Variants in LRRC4C observed in about 807,000 individuals in gnomAD.
The protein encoded by LRRC4C is leucine-rich repeat-containing protein 4C.
Under a neutral mutation model 33.6 loss-of-function variants are expected in LRRC4C, and 5 were observed. That is an observed-to-expected ratio of 0.15 (90% confidence interval 0.08 to 0.31). The LOEUF (loss-of-function observed/expected upper bound fraction) is 0.31. Among genes scored for constraint, LRRC4C ranks in the 10% least tolerant of loss-of-function variants. The pLI is 1.00. For synonymous variants in LRRC4C, 329 were observed against 302.0 expected, an observed-to-expected ratio of 1.09 and a Z score of -0.93; for missense variants, 560 against 796.7, an observed-to-expected ratio of 0.70 and a Z score of 3.58.
chr11:40,923,860 A>G (rs1226110280), intron 2 of LRRC4C, among the ~76,000 whole-genome samples: 2 of 152,072 alleles, frequency 1.3e-5, no homozygotes, highest in Non-Finnish European at 2.9e-5. Flanking sequence ...CACCTCTTTT[A>G]AGTTGGGCAT....
At chr11:40,289,201 T>C (rs1944035204) in intron 4 of LRRC4C, among the ~76,000 whole-genome samples, 1 of 152,190 alleles carries the variant, frequency 6.6e-6, no homozygotes, top group Non-Finnish European at 1.5e-5. Context: ...ACTGTTAAAG[T>C]GCTTAGCCAG....
intron 1 of LRRC4C, among the ~76,000 whole-genome samples, chr11:40,984,367 GAAAGAAAGAAAGAAAGAAAGAAA>G (rs1399601166): frequency 2.2e-4 from 21 of 96,516 alleles, no homozygotes; most frequent in African/African-American, 8.4e-4. Flanking sequence ...AAAGAAAAAA[GAAAGAAAGAAAGAAAGAAAGAAA>G]GAAAGAAAGA....
chr11:41,099,229 C>T (rs1038929868), intron 1 of LRRC4C, among the ~76,000 whole-genome samples: 1 of 151,902 alleles, frequency 6.6e-6, no homozygotes, highest in Non-Finnish European at 1.5e-5. Flanking sequence ...GGTCTCTAGA[C>T]AGATTCAGAG....
chr11:40,585,590 T>C (rs921061254), intron 3 of LRRC4C, among the ~76,000 whole-genome samples: 4 of 145,374 alleles, frequency 2.8e-5, no homozygotes, highest in African/African-American at 5.0e-5. Context: ...TCATCTAGCA[T>C]TAGGTATATC....
chr11:40,339,737 T>C (rs1189109918), intron 3 of LRRC4C, among the ~76,000 whole-genome samples: 1 of 152,212 alleles, frequency 6.6e-6, no homozygotes, highest in Non-Finnish European at 1.5e-5. Flanking sequence ...AAAGGTTTAG[T>C]ATTGAACCTG....
intron 3 of LRRC4C, among the ~76,000 whole-genome samples, chr11:40,345,340 C>A (rs990118125): frequency 6.6e-6 from 1 of 151,970 alleles, no homozygotes; most frequent in Admixed American, 6.6e-5. Context: ...GATACTGGTA[C>A]AAAAACAGTT....
At chr11:40,906,326 C>T (rs1313818329) in intron 2 of LRRC4C, among the ~76,000 whole-genome samples, 2 of 152,172 alleles carry the variant, frequency 1.3e-5, no homozygotes, top group African/African-American at 4.8e-5. Flanking sequence ...GCCTGACCAA[C>T]ATGGTGAAAC....
intron 3 of LRRC4C, among the ~76,000 whole-genome samples, chr11:40,394,483 C>A (rs976775051): frequency 1.3e-5 from 2 of 152,126 alleles, no homozygotes. Context: ...ATCATACATG[C>A]TTTCCTGAAT....
chr11:40,924,964 C>T (rs10501243), intron 2 of LRRC4C, among the ~76,000 whole-genome samples: 8,667 of 152,100 alleles, frequency 0.057, 375 homozygotes, highest in Admixed American at 0.15. Context: ...TTTTGAAAGG[C>T]GCAGAAAATT....
intron 2 of LRRC4C, among the ~76,000 whole-genome samples, chr11:40,661,080 A>G (rs1943408052): frequency 6.6e-6 from 1 of 152,176 alleles, no homozygotes; most frequent in Non-Finnish European, 1.5e-5. Flanking sequence ...TAACGAATTG[A>G]ATTATTAGAA....
intron 2 of LRRC4C, among the ~76,000 whole-genome samples, chr11:40,696,748 GTATA>G (rs57752272): frequency 2.1e-4 from 27 of 125,876 alleles, no homozygotes; most frequent in African/African-American, 6.3e-4. Flanking sequence ...TATACACTGT[GTATA>G]TATATATATA....
chr11:40,277,275 G>A (rs1046984712), intron 4 of LRRC4C, among the ~76,000 whole-genome samples: 5 of 152,082 alleles, frequency 3.3e-5, no homozygotes, highest in South Asian at 4.1e-4. Flanking sequence ...AAACAGTAAG[G>A]CCTCCTTAAA....
intron 3 of LRRC4C, among the ~76,000 whole-genome samples, chr11:40,411,849 T>G (rs1950167117): frequency 6.6e-6 from 1 of 152,040 alleles, no homozygotes; most frequent in Admixed American, 6.6e-5. Context: ...GCTAGTATTG[T>G]TATGTGTTTA....
intron 1 of LRRC4C, among the ~76,000 whole-genome samples, chr11:41,204,933 T>C (rs55793800): frequency 0.11 from 16,573 of 152,224 alleles, 997 homozygotes; most frequent in East Asian, 0.19. Flanking sequence ...CCTGGAGTGT[T>C]GCCCACTTTA....
rs77823390 is a variant in LRRC4C at position 41,339,511 on chromosome 11, C to T, written c.-496+119920G>A. ...CCAATACAACAGAAACTTTTAGAAG[C>T]TAGAAACTAGCAGGAAAAAAAACAT... On this transcript the variant is annotated intron_variant, in intron 1 of 6. Coordinates refer to ENST00000528697, the MANE Select transcript of LRRC4C (RefSeq NM_001258419.2). 8.6e-3 allele frequency among the ~76,000 whole-genome samples: 1,314 copies of T among 152,132 alleles called. 19 individuals are homozygous for T. Among genetic ancestry groups the T allele is most frequent in the African/African-American group, 0.03 (1,229 of 41,500 alleles).
chr11:40,785,546 T>G (rs1950378317), intron 2 of LRRC4C, among the ~76,000 whole-genome samples: 1 of 152,198 alleles, frequency 6.6e-6, no homozygotes, highest in Non-Finnish European at 1.5e-5. Flanking sequence ...AATGTTTTCT[T>G]GTCACTGTAC....
At chr11:40,273,269 G>C (rs981980498) in intron 4 of LRRC4C, among the ~76,000 whole-genome samples, 2 of 152,094 alleles carry the variant, frequency 1.3e-5, no homozygotes, top group South Asian at 4.1e-4. Flanking sequence ...AGGTAATGTG[G>C]TAAGTGTTAT....
intron 3 of LRRC4C, among the ~76,000 whole-genome samples, chr11:40,591,829 A>G (rs1245786929): frequency 2.0e-5 from 3 of 152,230 alleles, no homozygotes; most frequent in Non-Finnish European, 4.4e-5. Flanking sequence ...CTTTAGCTCA[A>G]TGAATCAGAA....
At chr11:40,480,136 A>C (rs1465149217) in intron 3 of LRRC4C, among the ~76,000 whole-genome samples, 4 of 152,148 alleles carry the variant, frequency 2.6e-5, no homozygotes, top group African/African-American at 9.7e-5. Flanking sequence ...CTAAGCAGAG[A>C]GGTTCTTTCC....
Sources: gnomAD v4.1 joint callset for allele counts (sites outside exome capture counted in the v4.1 genomes callset) on GRCh38, gnomAD v4.1.1 for gene constraint, MANE v1.5 for transcripts, NCBI Gene and HGNC (gene_info 2026-07-23, HGNC 2026-07-21) for gene names.